Variants in ZHX2 observed in about 807,000 individuals in gnomAD.
The protein encoded by ZHX2 is zinc fingers and homeoboxes 2.
In ZHX2, 6 loss-of-function variants were observed where a neutral mutation model predicts 21.9. The observed-to-expected ratio is 0.27, with a 90% CI of 0.15 to 0.54. The LOEUF (loss-of-function observed/expected upper bound fraction) is 0.54, where lower values mean the gene tolerates loss of function less well. Among genes scored for constraint, ZHX2 ranks in the 20% least tolerant of loss-of-function variants. ZHX2 has a pLI of 0.95. For synonymous variants in ZHX2, 434 were observed against 437.1 expected (o/e 0.99, Z 0.09); for missense variants, 908 against 1,090.7 (o/e 0.83, Z 2.36).
chr8:122,938,662 C>T (rs1812765972), intron 2 of ZHX2, among the ~76,000 whole-genome samples: 1 of 151,994 alleles, frequency 6.6e-6, no homozygotes, highest in Non-Finnish European at 1.5e-5. Context: ...CATGGTGAAA[C>T]ACTGTCTCTA....
rs1046079102 is a variant in ZHX2, at chr8:122,952,166, T to A, written c.656T>A (p.Val219Glu). The change falls in exon 3 of 4, where the codon GTG becomes GAG. Residue 219 changes from valine (V) to glutamate (E), a missense_variant. Val to Glu is a moderately radical substitution (Grantham distance 121). Around this residue, in one of 4 missense-constraint regions of ZHX2, gnomAD observed 220 missense variants for 251.4 expected, o/e 0.88. Coordinates refer to ENST00000314393, the MANE Select transcript of ZHX2 (RefSeq NM_014943.5). The surrounding 1 kb of genome is among the most constrained non-coding windows in gnomAD (Gnocchi z 6.9). ...ENHVEGTARL[V>E]TDTAEILSRL... is the part of the protein sequence containing the mutation. Reference sequence around the variant, plus strand: ...CACGTGGAAGGGACCGCCCGCCTGGTGACAGACACAGCTGAGATCCTCTCG... The same window carrying A: ...CACGTGGAAGGGACCGCCCGCCTGGAGACAGACACAGCTGAGATCCTCTCG... The A allele has an allele frequency of 6.2e-7, 1 of 1,612,498 alleles. No homozygotes were observed. Among genetic ancestry groups the A allele is most frequent in the Admixed American group, 1.7e-5 (1 of 59,826 alleles).
chr8:122,833,768 G>A (rs540965813), intron 1 of ZHX2, among the ~76,000 whole-genome samples: 13 of 152,176 alleles, frequency 8.5e-5, no homozygotes, highest in African/African-American at 2.9e-4. Flanking sequence ...AGGCCGAGGC[G>A]GGTGGATCAC....
At chr8:122,860,272 C>A (rs1439859670) in intron 1 of ZHX2, among the ~76,000 whole-genome samples, 1 of 152,152 alleles carries the variant, frequency 6.6e-6, no homozygotes, top group East Asian at 1.9e-4. Context: ...CTGGTCTCTC[C>A]CTTGACACAT....
chr8:122,954,176 A>G, intron 3 of ZHX2, 148 bp downstream of exon 3: 1 of 744,336 alleles, frequency 1.3e-6, no homozygotes. Flanking sequence ...AATGATGTAT[A>G]TTGATCACAT....
At position 122,953,221 on chromosome 8, in the gene ZHX2, A is replaced by C; in HGVS notation, c.1711A>C (p.Arg571=). 1 of 1,613,914 alleles carries C rather than the reference A, an allele frequency of 6.2e-7. No homozygotes were observed. Among genetic ancestry groups the C allele is most frequent in the Non-Finnish European group, 8.5e-7 (1 of 1,179,984 alleles). ...RLRVETKLSR[R]EIDSWFSERR... ...AAGGGTGGAGACCAAGCTGAGCAGG[A>C]GAGAGATCGACTCCTGGTTCTCGGA... Residue 571 remains arginine, a synonymous_variant, in exon 3 of 4, where the codon AGA becomes CGA. Transcript: ENST00000314393. The surrounding 1 kb of genome is among the most constrained non-coding windows in gnomAD (Gnocchi z 4.6).
At chr8:122,903,629 A>G (rs1370827980) in intron 2 of ZHX2, among the ~76,000 whole-genome samples, 1 of 152,234 alleles carries the variant, frequency 6.6e-6, no homozygotes, top group Non-Finnish European at 1.5e-5. Context: ...TGAAGTGTCC[A>G]TTGCTAGGCT....
At chr8:122,832,384 G>A (rs960669770) in intron 1 of ZHX2, among the ~76,000 whole-genome samples, 4 of 152,206 alleles carry the variant, frequency 2.6e-5, no homozygotes, top group Non-Finnish European at 4.4e-5. Context: ...CAGGCAGGCC[G>A]TCTGAGAACT....
In ZHX2 at chr8:122,953,331, C is replaced by G. The variant is rs1813187609; in HGVS notation, c.1821C>G (p.Pro607=). The stretch of plus-strand genomic sequence containing the variant: ...AAAAAGGCCAAGATGTGGGAGCCCC[C>G]AATGGTGCTCTGTCTCGACTCGACC... ...SGKKGQDVGA[P]NGALSRLDQL... is the part of the protein sequence containing the mutation. The change falls in exon 3 of 4, where the codon CCC becomes CCG. Residue 607 remains proline (P), a synonymous_variant. Coordinates refer to ENST00000314393, the MANE Select transcript of ZHX2 (RefSeq NM_014943.5). This position sits in a 1 kb window ranked among gnomAD's most constrained non-coding sequence, Gnocchi z 4.6. The G allele has an allele frequency of 6.2e-6, 10 of 1,613,928 alleles. No individual in the cohort carries two copies. Among genetic ancestry groups the G allele is most frequent in the Non-Finnish European group, 8.5e-6 (10 of 1,180,032 alleles).
intron 2 of ZHX2, among the ~76,000 whole-genome samples, chr8:122,926,387 T>A (rs757943919): frequency 6.6e-6 from 1 of 152,218 alleles, no homozygotes. Flanking sequence ...GGCTATGTCC[T>A]GCACTAGGTA....
At chr8:122,924,680 G>T (rs367588884) in intron 2 of ZHX2, among the ~76,000 whole-genome samples, 24 of 152,134 alleles carry the variant, frequency 1.6e-4, no homozygotes, top group Non-Finnish European at 3.2e-4. Context: ...TCAGTGCCCA[G>T]AACAATGCTA....
At chr8:122,970,614 T>C (rs995073375) in intron 3 of ZHX2, among the ~76,000 whole-genome samples, 1 of 152,182 alleles carries the variant, frequency 6.6e-6, no homozygotes, top group Non-Finnish European at 1.5e-5. Context: ...TTTAGCCGGG[T>C]TGGGAGAAAG....
intron 2 of ZHX2, among the ~76,000 whole-genome samples, chr8:122,882,048 C>CTCCT (rs1819725885): frequency 6.6e-6 from 1 of 152,118 alleles, no homozygotes; most frequent in South Asian, 2.1e-4. Context: ...CATGTCCCCC[C>CTCCT]TCCTCGAAAA....
chr8:122,889,992 TG>T (rs1819936221), intron 2 of ZHX2, among the ~76,000 whole-genome samples: 1 of 152,224 alleles, frequency 6.6e-6, no homozygotes, highest in African/African-American at 2.4e-5. Context: ...GTTTTGCTTT[TG>T]ATGTCTGTGC....
intron 2 of ZHX2, among the ~76,000 whole-genome samples, chr8:122,946,471 G>T (rs1397200965): frequency 6.6e-6 from 1 of 151,964 alleles, no homozygotes; most frequent in African/African-American, 2.4e-5. Context: ...CCTGGTTGCT[G>T]AATGAGTTTT....
intron 1 of ZHX2, among the ~76,000 whole-genome samples, chr8:122,784,476 C>T (rs544245083): frequency 3.4e-4 from 52 of 152,128 alleles, no homozygotes; most frequent in Non-Finnish European, 6.8e-4. Context: ...TAGCAGCATT[C>T]AGATACACGA....
chr8:122,950,010 T>C (rs1461817790), intron 2 of ZHX2, among the ~76,000 whole-genome samples: 1 of 152,116 alleles, frequency 6.6e-6, no homozygotes, highest in Non-Finnish European at 1.5e-5. Flanking sequence ...TTTACTACTG[T>C]AAATAGGCTG....
At chr8:122,914,671 T>C (rs566355644) in intron 2 of ZHX2, among the ~76,000 whole-genome samples, 1 of 152,352 alleles carries the variant, frequency 6.6e-6, no homozygotes, top group African/African-American at 2.4e-5. Flanking sequence ...AACAGTGGAC[T>C]TCTATTTGCT....
At chr8:122,931,817 T>C (rs1259369589) in intron 2 of ZHX2, among the ~76,000 whole-genome samples, 1 of 152,140 alleles carries the variant, frequency 6.6e-6, no homozygotes, top group Non-Finnish European at 1.5e-5. Context: ...TTCTGGAGCA[T>C]TAATGAATGG....
intron 1 of ZHX2, among the ~76,000 whole-genome samples, chr8:122,794,320 G>A (rs1323775020): frequency 6.6e-6 from 1 of 151,634 alleles, no homozygotes; most frequent in Non-Finnish European, 1.5e-5. Flanking sequence ...CTTATTGGAA[G>A]GAATACATGT....
Sources: gnomAD v4.1 joint callset for allele counts (sites outside exome capture counted in the v4.1 genomes callset) on GRCh38, gnomAD v4.1.1 for gene constraint, gnomAD v4.1.1 regional missense constraint, Gnocchi (gnomAD v3.1) non-coding constraint, MANE v1.5 for transcripts, NCBI Gene and HGNC (gene_info 2026-07-23, HGNC 2026-07-21) for gene names.